The following HTR7 variants were observed in gnomAD, a reference collection of about 807,000 sequenced individuals.
HTR7 encodes 5-hydroxytryptamine receptor 7.
A neutral mutation model predicts 34.0 loss-of-function variants in HTR7; 16 were observed. The observed-to-expected ratio is 0.47, with a 90% confidence interval of 0.32 to 0.71. HTR7 has a LOEUF of 0.71. Among genes scored for constraint, HTR7 ranks in the 30% least tolerant of loss-of-function variants. The pLI is 0.04. For synonymous variants in HTR7, 265 were observed against 260.2 expected (o/e 1.02, Z -0.18); for missense variants, 504 against 625.5 (o/e 0.81, Z 2.07).
intron 1 of HTR7, among the ~76,000 whole-genome samples, chr10:90,801,635 A>T (rs1845628388): frequency 6.6e-6 from 1 of 152,330 alleles, no homozygotes; most frequent in Admixed American, 6.5e-5. Context: ...CAGAGGGTCA[A>T]GGGGAAAGCT....
At chr10:90,853,006 A>G (rs980711428) in intron 1 of HTR7, among the ~76,000 whole-genome samples, 14 of 152,146 alleles carry the variant, frequency 9.2e-5, no homozygotes, top group African/African-American at 3.4e-4. Flanking sequence ...AGTTTTAACA[A>G]ATATTTCAGT....
At chr10:90,810,437 A>T (rs1845788139) in intron 1 of HTR7, among the ~76,000 whole-genome samples, 1 of 152,104 alleles carries the variant, frequency 6.6e-6, no homozygotes, top group Admixed American at 6.5e-5. Context: ...GCACGCTTTA[A>T]AAAGATTAAA....
chr10:90,846,888 G>T (rs1192927166), intron 1 of HTR7, among the ~76,000 whole-genome samples: 1 of 152,122 alleles, frequency 6.6e-6, no homozygotes, highest in Non-Finnish European at 1.5e-5. Context: ...CTACTGCAAG[G>T]GGTGAAGGGT....
At chr10:90,764,205 A>C (rs761895121) in intron 1 of HTR7, among the ~76,000 whole-genome samples, 7 of 152,168 alleles carry the variant, frequency 4.6e-5, no homozygotes, top group Non-Finnish European at 8.8e-5. Context: ...TTCTCTAATG[A>C]TCAGTGATGT....
rs556154731 is a variant in HTR7 at position 90,776,292 on chromosome 10, T to C, written c.540-26698A>G. 9.1e-4 allele frequency among the ~76,000 whole-genome samples: 139 copies of C among 152,338 alleles called. 1 individual carries two copies. The highest frequency in any genetic ancestry group is 3.2e-3 in the African/African-American group (132 of 41,574). On this transcript the variant is annotated intron_variant, in intron 1 of 3. Transcript: ENST00000336152. ...ATGAAAGGTCTGGCTAATTTCCATATCCAATATCACTCAGGTCTGTTGGAT... is the reference window on the plus strand; with the variant it reads ...ATGAAAGGTCTGGCTAATTTCCATACCCAATATCACTCAGGTCTGTTGGAT...
chr10:90,776,199 C>T (rs111545401), intron 1 of HTR7, among the ~76,000 whole-genome samples: 3,786 of 152,226 alleles, frequency 0.025, 153 homozygotes, highest in African/African-American at 0.082. Context: ...CTTTGTTCCC[C>T]CAGTCTGTTC....
chr10:90,775,283 T>C (rs559139366), intron 1 of HTR7, among the ~76,000 whole-genome samples: 40 of 152,322 alleles, frequency 2.6e-4, no homozygotes, highest in African/African-American at 9.6e-4. Flanking sequence ...ATCATCATCC[T>C]TGGTGATTTC....
At chr10:90,852,354 C>T (rs1301907746) in intron 1 of HTR7, among the ~76,000 whole-genome samples, 5 of 151,928 alleles carry the variant, frequency 3.3e-5, no homozygotes, top group African/African-American at 4.8e-5. Flanking sequence ...AGAATGAATA[C>T]GGACTGTTAC....
At chr10:90,774,252 A>C (rs776667741) in intron 1 of HTR7, among the ~76,000 whole-genome samples, 1 of 152,246 alleles carries the variant, frequency 6.6e-6, no homozygotes, top group Non-Finnish European at 1.5e-5. Context: ...GAATCAGCAC[A>C]GATTACATGA....
chr10:90,808,376 T>G (rs1434509405), intron 1 of HTR7, among the ~76,000 whole-genome samples: 1 of 151,952 alleles, frequency 6.6e-6, no homozygotes, highest in Non-Finnish European at 1.5e-5. Context: ...TCCGCCTTTC[T>G]GGGGGGCAAG....
chr10:90,823,156 T>C (rs1020671093), intron 1 of HTR7, among the ~76,000 whole-genome samples: 2 of 152,210 alleles, frequency 1.3e-5, no homozygotes, highest in African/African-American at 4.8e-5. Context: ...AGAGGGCCAC[T>C]GTCCTCCAGA....
intron 1 of HTR7, among the ~76,000 whole-genome samples, chr10:90,820,663 G>A (rs1306060074): frequency 6.6e-6 from 1 of 152,166 alleles, no homozygotes; most frequent in Non-Finnish European, 1.5e-5. Flanking sequence ...TCCATTGAAA[G>A]GACAATTGTA....
At chr10:90,824,936 C>T (rs1424540082) in intron 1 of HTR7, among the ~76,000 whole-genome samples, 1 of 152,204 alleles carries the variant, frequency 6.6e-6, no homozygotes, top group Middle Eastern at 3.2e-3. Flanking sequence ...AAGGGGAAGG[C>T]TGGCTGGCTT....
intron 1 of HTR7, among the ~76,000 whole-genome samples, chr10:90,787,438 G>C (rs1467212091): frequency 6.6e-6 from 1 of 152,068 alleles, no homozygotes; most frequent in Non-Finnish European, 1.5e-5. Flanking sequence ...CAGTGAGGGA[G>C]ATGGGATCAC....
Position 90,857,825 on chromosome 10 carries a change from C to G in HTR7, c.-154G>C, listed in dbSNP as rs975014908. The G allele has an allele frequency of 4.4e-5, 29 of 658,074 alleles. No homozygotes were observed. The highest frequency in any genetic ancestry group is 5.6e-5 in the Non-Finnish European group (26 of 465,316). The allele number at this position is 658,074 out of a possible 1,614,324, so 40.8% of individuals were successfully genotyped here. A position where few individuals can be genotyped will look rare whatever the true frequency, so the allele number is the denominator to read the frequency against. On this transcript the variant is annotated 5_prime_UTR_variant, in exon 1 of 4. Coordinates refer to ENST00000336152, the MANE Select transcript of HTR7 (RefSeq NM_019859.4). This position sits in a 1 kb window ranked among gnomAD's most constrained non-coding sequence, Gnocchi z 6.5. ...GGGGGCGCCTGGCTCTGTCTCGGAG[C>G]CCCGCACTCCCCGGACCCCCGGCCG...
intron 1 of HTR7, among the ~76,000 whole-genome samples, chr10:90,800,988 G>C (rs1482387311): frequency 2.0e-5 from 3 of 152,170 alleles, no homozygotes; most frequent in African/African-American, 7.2e-5. Flanking sequence ...GCTGGCAAGA[G>C]ATTCTCTCTG....
intron 1 of HTR7, among the ~76,000 whole-genome samples, chr10:90,767,655 C>A (rs1226512680): frequency 6.6e-6 from 1 of 152,164 alleles, no homozygotes; most frequent in Admixed American, 6.5e-5. Flanking sequence ...GAGGCTGACC[C>A]TTAAGAGATG....
intron 1 of HTR7, among the ~76,000 whole-genome samples, chr10:90,832,917 G>A (rs1236015491): frequency 6.6e-6 from 1 of 152,170 alleles, no homozygotes; most frequent in African/African-American, 2.4e-5. Context: ...TACAAGCAGG[G>A]AGTCCACTCT....
chr10:90,822,139 A>G (rs1845993124), intron 1 of HTR7, among the ~76,000 whole-genome samples: 1 of 152,232 alleles, frequency 6.6e-6, no homozygotes, highest in Admixed American at 6.5e-5. Context: ...GGCAGAGTTT[A>G]GAACAGTTTG....
Sources: gnomAD v4.1 joint callset for allele counts (sites outside exome capture counted in the v4.1 genomes callset) on GRCh38, gnomAD v4.1.1 for gene constraint, Gnocchi (gnomAD v3.1) non-coding constraint, MANE v1.5 for transcripts, NCBI Gene and HGNC (gene_info 2026-07-23, HGNC 2026-07-21) for gene names.